The following DACH1 variants were observed in gnomAD, a reference collection of about 807,000 sequenced individuals.
DACH1 encodes dachshund family transcription factor 1.
Under a neutral mutation model 54.2 loss-of-function variants are expected in DACH1, and 12 were observed. The observed-to-expected ratio is 0.22, with a 90% CI of 0.14 to 0.36. The LOEUF (loss-of-function observed/expected upper bound fraction) is 0.36. Ranked by LOEUF, DACH1 falls within the 10% of genes least tolerant of loss-of-function variation. DACH1 has a pLI of 1.00. For synonymous variants in DACH1, 386 were observed against 366.2 expected, an observed-to-expected ratio of 1.05 and a Z score of -0.62; for missense variants, 805 against 929.8, an observed-to-expected ratio of 0.87 and a Z score of 1.75.
At chr13:71,709,074 C>T (rs1407838941) in intron 1 of DACH1, among the ~76,000 whole-genome samples, 2 of 151,780 alleles carry the variant, frequency 1.3e-5, no homozygotes, top group African/African-American at 2.4e-5. Context: ...AGGATGGTCT[C>T]GATCTCCTGA....
intron 1 of DACH1, among the ~76,000 whole-genome samples, chr13:71,832,118 C>G (rs949522433): frequency 2.0e-5 from 3 of 151,914 alleles, no homozygotes; most frequent in Non-Finnish European, 4.4e-5. Context: ...TATTGAGAAG[C>G]ATTTGCGTGC....
chr13:71,847,123 T>C lies in DACH1; in HGVS notation c.848+18799A>G, dbSNP rs560801940. On this transcript the variant is annotated intron_variant, in intron 1 of 10. Transcript: ENST00000613252. ...TATGAGTATATACATATATGAAGTC[T>C]ATATGTTTATGCTTAAACTACCATT... Among the ~76,000 whole-genome samples the C allele has an allele frequency of 3.9e-5, 6 of 152,304 alleles. No individual in the cohort carries two copies. In the East Asian group the frequency reaches 1.2e-3, roughly 29 times the overall value.
chr13:71,444,243 A>G (rs1874255214), intron 10 of DACH1, among the ~76,000 whole-genome samples: 1 of 152,162 alleles, frequency 6.6e-6, no homozygotes, highest in Non-Finnish European at 1.5e-5. Flanking sequence ...TTAAAAATCT[A>G]GTAACAGAGA....
chr13:71,551,984 G>T (rs529436435), intron 6 of DACH1, among the ~76,000 whole-genome samples: 2 of 152,102 alleles, frequency 1.3e-5, no homozygotes, highest in East Asian at 3.9e-4. Context: ...GGGCTTTATG[G>T]CCTGAAGCAA....
intron 10 of DACH1, among the ~76,000 whole-genome samples, chr13:71,452,131 T>A (rs1010575674): frequency 3.3e-5 from 5 of 152,104 alleles, no homozygotes; most frequent in Non-Finnish European, 7.4e-5. Context: ...TTTGTATTGT[T>A]TTGTTTTGTT....
intron 2 of DACH1, among the ~76,000 whole-genome samples, chr13:71,673,546 T>C (rs1323511029): frequency 1.3e-5 from 2 of 151,584 alleles, no homozygotes; most frequent in Admixed American, 6.6e-5. Context: ...GCAGGAATTG[T>C]AAAGAGTAAT....
chr13:71,535,796 A>G (rs1021010891), intron 6 of DACH1, among the ~76,000 whole-genome samples: 2 of 152,056 alleles, frequency 1.3e-5, no homozygotes, highest in South Asian at 2.1e-4. Context: ...TGAAGATTCA[A>G]TAAGCTATCT....
intron 1 of DACH1, among the ~76,000 whole-genome samples, chr13:71,837,086 A>C (rs565937139): frequency 6.6e-6 from 1 of 152,120 alleles, no homozygotes; most frequent in African/African-American, 2.4e-5. Flanking sequence ...TGAAAACGAA[A>C]GATTAAGGGG....
chr13:71,624,168 T>A (rs949052401), intron 3 of DACH1, among the ~76,000 whole-genome samples: 1 of 151,842 alleles, frequency 6.6e-6, no homozygotes, highest in Non-Finnish European at 1.5e-5. Context: ...GGTAAGCAAT[T>A]TTGTGTAAAA....
intron 6 of DACH1, among the ~76,000 whole-genome samples, chr13:71,543,676 T>A (rs542058388): frequency 6.6e-6 from 1 of 152,212 alleles, no homozygotes; most frequent in South Asian, 2.1e-4. Flanking sequence ...TTGATTTGGA[T>A]ATTTTTCTAG....
At chr13:71,824,997 G>GCCCCC (rs908940527) in intron 1 of DACH1, among the ~76,000 whole-genome samples, 13 of 151,922 alleles carry the variant, frequency 8.6e-5, no homozygotes, top group African/African-American at 3.1e-4. Flanking sequence ...TCTTAAGGAG[G>GCCCCC]CCCCCACAGG....
chr13:71,464,042 C>G (rs538842621), intron 10 of DACH1, among the ~76,000 whole-genome samples: 2 of 152,058 alleles, frequency 1.3e-5, no homozygotes, highest in African/African-American at 4.8e-5. Flanking sequence ...GTCAGTCAAT[C>G]TAACAGTTGT....
At chr13:71,635,723 C>G (rs778697734) in intron 2 of DACH1, among the ~76,000 whole-genome samples, 1 of 152,092 alleles carries the variant, frequency 6.6e-6, no homozygotes, top group Non-Finnish European at 1.5e-5. Flanking sequence ...ACCCTCCCCC[C>G]TCTTCCATAT....
intron 10 of DACH1, among the ~76,000 whole-genome samples, chr13:71,465,213 C>A (rs188981047): frequency 4.3e-4 from 66 of 152,062 alleles, no homozygotes; most frequent in Admixed American, 3.5e-3. Context: ...TATATACATG[C>A]TATCAAATTA....
At chr13:71,737,699 A>T (rs1358091767) in intron 1 of DACH1, among the ~76,000 whole-genome samples, 1 of 152,198 alleles carries the variant, frequency 6.6e-6, no homozygotes, top group Non-Finnish European at 1.5e-5. Flanking sequence ...GGGCAAGGAA[A>T]TCATTTAGAA....
At chr13:71,810,840 T>C (rs930378914) in intron 1 of DACH1, among the ~76,000 whole-genome samples, 3 of 152,316 alleles carry the variant, frequency 2.0e-5, no homozygotes, top group South Asian at 2.1e-4. Flanking sequence ...GTACATTTTA[T>C]GATGCCCTTG....
At chr13:71,712,360 G>T (rs901808014) in intron 1 of DACH1, among the ~76,000 whole-genome samples, 2 of 151,794 alleles carry the variant, frequency 1.3e-5, no homozygotes, top group East Asian at 3.9e-4. Flanking sequence ...TATGTCTGGG[G>T]TATATAGATA....
chr13:71,535,658 C>A (rs1012666535), intron 6 of DACH1, among the ~76,000 whole-genome samples: 1 of 151,740 alleles, frequency 6.6e-6, no homozygotes, highest in Non-Finnish European at 1.5e-5. Context: ...TTATAGTGTC[C>A]TCTTGTATTA....
At chr13:71,714,325 C>T (rs1485316371) in intron 1 of DACH1, among the ~76,000 whole-genome samples, 1 of 150,084 alleles carries the variant, frequency 6.7e-6, no homozygotes, top group African/African-American at 2.5e-5. Flanking sequence ...GAAACGGGGA[C>T]AATTAAACAA....
Sources: allele counts gnomAD v4.1 joint callset (sites outside exome capture counted in the v4.1 genomes callset), GRCh38; gene constraint gnomAD v4.1.1; transcripts MANE v1.5; gene names NCBI Gene and HGNC (gene_info 2026-07-23, HGNC 2026-07-21).